Variants in TNXB observed in about 807,000 individuals in gnomAD.
TNXB encodes tenascin-X.
Under a neutral mutation model 340.5 loss-of-function variants are expected in TNXB, and 183 were observed. The observed-to-expected ratio is 0.54, with a 90% CI of 0.48 to 0.61. The LOEUF (loss-of-function observed/expected upper bound fraction) is 0.61. Ranked by LOEUF, TNXB falls within the 20% of genes least tolerant of loss-of-function variation. The pLI, the probability that TNXB is intolerant of heterozygous loss-of-function variation, is 0.00. For synonymous variants in TNXB, 2,121 were observed against 2,314.5 expected, an observed-to-expected ratio of 0.92 and a Z score of 2.40; for missense variants, 4,613 against 5,446.4, an observed-to-expected ratio of 0.85 and a Z score of 4.82.
chr6:32,054,990 C>A (rs759228779), intron 24 of TNXB, among the ~76,000 whole-genome samples: 15 of 152,196 alleles, frequency 9.9e-5, no homozygotes, highest in Admixed American at 7.2e-4. Context: ...TGAACTCTAA[C>A]ATTTTCCAAA....
chr6:32,053,270 C>T (rs1777406651), intron 25 of TNXB, 118 bp downstream of exon 25: 2 of 1,468,472 alleles, frequency 1.4e-6, no homozygotes, highest in African/African-American at 2.8e-5. Context: ...TGGGGAAAGA[C>T]AAAAAAGTAC....
chr6:32,078,319 G>A (rs1189478577), intron 11 of TNXB, among the ~76,000 whole-genome samples: 18 of 150,856 alleles, frequency 1.2e-4, no homozygotes, highest in South Asian at 2.1e-4. Flanking sequence ...GTGGTGGCAC[G>A]CATCTGTAGT....
chr6:32,051,364 C>T lies in TNXB; in HGVS notation c.9116-1043G>A, dbSNP rs565688894. On this transcript the variant is annotated intron_variant, in intron 26 of 43. Coordinates refer to ENST00000644971, the MANE Select transcript of TNXB (RefSeq NM_001365276.2). This position sits in a 1 kb window ranked among gnomAD's most constrained non-coding sequence, Gnocchi z 4.7. ...TAGGACAGGAACCCTAACTCTGAGC[C>T]TAACCTCTGTGAGGATTCATGAATG... Among the ~76,000 whole-genome samples the T allele has an allele frequency of 3.3e-5, 5 of 152,330 alleles. No homozygotes were observed. The highest frequency in any genetic ancestry group is 1.2e-4 in the African/African-American group (5 of 41,590).
chr6:32,065,172 C>T (rs1778271272), intron 18 of TNXB, 55 bp from the exon 19 acceptor site: 24 of 1,451,674 alleles, frequency 1.7e-5, no homozygotes, highest in Non-Finnish European at 4.6e-6. Context: ...GTGTTGAGGC[C>T]CCAGCTGTCT....
At position 32,087,864 on chromosome 6, in the gene TNXB, C is replaced by T. The variant is rs757492826; in HGVS notation, c.2779+921G>A. The stretch of plus-strand genomic sequence containing the variant: ...GGCTTGGCCTGGGCGGGGACTCCTC[C>T]TCCCTTTCCTCTGCTGGCCTCGAGG... On this transcript the variant is annotated intron_variant, in intron 6 of 43. Transcript: ENST00000644971. The surrounding 1 kb of genome is among the most constrained non-coding windows in gnomAD (Gnocchi z 9.0). 1 of 449,808 alleles carries T rather than the reference C, an allele frequency of 2.2e-6. No homozygotes were observed. Among genetic ancestry groups the T allele is most frequent in the Non-Finnish European group, 4.4e-6 (1 of 227,216 alleles). 27.9% of individuals were successfully genotyped at this position (449,808 alleles called of 1,614,324 possible). A position where few individuals can be genotyped will look rare whatever the true frequency, so the allele number is the denominator to read the frequency against.
intron 4 of TNXB, 87 bp downstream of exon 4, chr6:32,094,989 G>T: frequency 1.8e-6 from 2 of 1,122,308 alleles, no homozygotes; most frequent in South Asian, 1.4e-5. Flanking sequence ...CTCAACCAAT[G>T]ATCACCTGGA....
intron 21 of TNXB, among the ~76,000 whole-genome samples, chr6:32,060,533 T>C (rs1217450632): frequency 1.3e-5 from 2 of 151,974 alleles, no homozygotes; most frequent in Non-Finnish European, 2.9e-5. Flanking sequence ...GAATATTCTA[T>C]TCTATCTAAC....
rs1432821323 is a variant in TNXB at position 32,074,004 on chromosome 6, A to G, written c.4376-52T>C. 7.1e-7 allele frequency: 1 copy of G among 1,402,938 alleles called. No homozygotes were observed. The highest frequency in any genetic ancestry group is 1.5e-5 in the African/African-American group (1 of 68,896). 86.9% of individuals were successfully genotyped at this position (1,402,938 alleles called of 1,614,324 possible). On this transcript the variant is annotated intron_variant, in intron 11 of 43. Coordinates refer to ENST00000644971, the MANE Select transcript of TNXB (RefSeq NM_001365276.2). The surrounding 1 kb of genome is among the most constrained non-coding windows in gnomAD (Gnocchi z 5.5). ...TAGTAAAGAATCCCCCTTTTCTTAT[A>G]GTAATGATGTCTAGTTATTTATTTT...
intron 1 of TNXB, among the ~76,000 whole-genome samples, chr6:32,103,649 C>T (rs1442406051): frequency 6.6e-6 from 1 of 151,590 alleles, no homozygotes; most frequent in African/African-American, 2.4e-5. Flanking sequence ...TTCGGTGCCA[C>T]AAAATCTAAG....
At chr6:32,105,573 A>G (rs547145765) in intron 1 of TNXB, among the ~76,000 whole-genome samples, 2 of 152,264 alleles carry the variant, frequency 1.3e-5, no homozygotes, top group Middle Eastern at 3.4e-3. Flanking sequence ...TGAAAAGTTC[A>G]ATGTAAACGC....
intron 22 of TNXB, 72 bp from the exon 23 acceptor site, chr6:32,056,975 C>T (rs1343426988): frequency 3.8e-6 from 6 of 1,563,986 alleles, no homozygotes; most frequent in Non-Finnish European, 5.2e-6. Context: ...AAGGATGTGT[C>T]ACAAAACACA....
At chr6:32,044,199 G>C in intron 33 of TNXB, 70 bp from the exon 34 acceptor site, 2 of 1,325,406 alleles carry the variant, frequency 1.5e-6, no homozygotes, top group Non-Finnish European at 2.1e-6. Context: ...TCCCCCCCTC[G>C]CCTCTGCTCC....
chr6:32,106,289 G>A (rs1780977121), intron 1 of TNXB, among the ~76,000 whole-genome samples: 1 of 152,048 alleles, frequency 6.6e-6, no homozygotes, highest in Non-Finnish European at 1.5e-5. Context: ...CCCAGGATAA[G>A]ACAGGAGACA....
chr6:32,056,064 G>C lies in TNXB; in HGVS notation c.8254C>G (p.Leu2752Val). Reference protein sequence around the residue: ...LTVTGSSPDSLSLSWTIPQGH... With the variant: ...LTVTGSSPDSVSLSWTIPQGH... The stretch of plus-strand genomic sequence containing the variant: ...TGGGGGATGGTCCAGGAGAGGCTCA[G>C]CGAGTCAGGGGAGGATCCTGTCACT... The change falls in exon 24 of 44, where the codon CTG becomes GTG. Residue 2752 changes from leucine to valine, a missense_variant. Leu to Val is a conservative substitution (Grantham distance 32, BLOSUM62 1). Around this residue, in one of 7 missense-constraint regions of TNXB, gnomAD observed 4,327 missense variants for 4,859.4 expected, o/e 0.89. Transcript: ENST00000644971. 6.2e-7 allele frequency: 1 copy of C among 1,612,902 alleles called. No homozygotes were observed. The highest frequency in any genetic ancestry group is 8.5e-7 in the Non-Finnish European group (1 of 1,179,882).
At position 32,050,271 on chromosome 6, in the gene TNXB, C is replaced by T; in HGVS notation, c.9166G>A (p.Glu3056Lys). ...CCCAGGCGAGGCTTGATGGGGGGCTCAGGGGTCATGGTAGGCACTGCTTGG... is the reference window on the plus strand; with the variant it reads ...CCCAGGCGAGGCTTGATGGGGGGCTTAGGGGTCATGGTAGGCACTGCTTGG... ...TTQAVPTMTPEPPIKPRLGEL... is the reference protein window; with the variant it reads ...TTQAVPTMTPKPPIKPRLGEL... Residue 3056 changes from glutamate to lysine, a missense_variant, in exon 27 of 44, where the codon GAG (glutamate) becomes AAG (lysine). Coordinates refer to ENST00000644971, the MANE Select transcript of TNXB (RefSeq NM_001365276.2). 2 of 1,613,472 alleles carry T rather than the reference C, an allele frequency of 1.2e-6. No homozygotes were observed. Among genetic ancestry groups the T allele is most frequent in the South Asian group, 1.1e-5 (1 of 91,082 alleles).
Position 32,079,502 on chromosome 6 carries a change from T to C in TNXB, c.4043-137A>G. On this transcript the variant is annotated intron_variant, in intron 10 of 43. Coordinates refer to ENST00000644971, the MANE Select transcript of TNXB (RefSeq NM_001365276.2). This position sits in a 1 kb window ranked among gnomAD's most constrained non-coding sequence, Gnocchi z 7.1. ...TATTTGCCATTCGGTCACTCACGGA[T>C]GGAGAAGGCTGAGACAGCCCTTGCC... 2 of 751,586 alleles carry C rather than the reference T, an allele frequency of 2.7e-6. No individual in the cohort carries two copies. The highest frequency in any genetic ancestry group is 4.2e-6 in the Non-Finnish European group (2 of 474,268). 46.6% of individuals were successfully genotyped at this position (751,586 alleles called of 1,614,324 possible).
At position 32,062,206 on chromosome 6, in the gene TNXB, G is replaced by T; in HGVS notation, c.7119C>A (p.Gly2373=). ...GGCCCACACGCTGGCCACCGTGGAA[G>T]CCGTACAGGTTCATCTTGTACTTGT... ...PDNKYKMNLY[G]FHGGQRVGPV... is the part of the protein sequence containing the mutation. Residue 2373 remains glycine, a synonymous_variant, in exon 20 of 44, where the codon GGC becomes GGA. Coordinates refer to ENST00000644971, the MANE Select transcript of TNXB (RefSeq NM_001365276.2). This position sits in a 1 kb window ranked among gnomAD's most constrained non-coding sequence, Gnocchi z 4.3. 6.2e-7 allele frequency: 1 copy of T among 1,613,092 alleles called. No individual in the cohort carries two copies. The highest frequency in any genetic ancestry group is 8.5e-7 in the Non-Finnish European group (1 of 1,179,830).
intron 43 of TNXB, 96 bp downstream of exon 43, chr6:32,041,675 A>G: frequency 8.4e-7 from 1 of 1,184,030 alleles, no homozygotes; most frequent in Non-Finnish European, 1.2e-6. Flanking sequence ...CATTTCACCC[A>G]GCCACTCAGT....
Position 32,072,105 on chromosome 6 carries a change from T to C in TNXB, c.4875A>G (p.Ala1625=). ...CAGGGATAGTGACCTCCCGCTGATCTGCAGCCACGGGCACCACCTGGGGCT... is the reference window on the plus strand; with the variant it reads ...CAGGGATAGTGACCTCCCGCTGATCCGCAGCCACGGGCACCACCTGGGGCT... ...DGQPQVVPVA[A]DQREVTIPDL... Residue 1625 remains alanine, a synonymous_variant, in exon 13 of 44, where the codon GCA becomes GCG. Coordinates refer to ENST00000644971, the MANE Select transcript of TNXB (RefSeq NM_001365276.2). The surrounding 1 kb of genome is among the most constrained non-coding windows in gnomAD (Gnocchi z 4.4). The C allele has an allele frequency of 8.1e-6, 13 of 1,613,100 alleles. No individual in the cohort carries two copies. In the South Asian group the frequency reaches 1.4e-4, roughly 18 times the overall value.
Sources: allele counts gnomAD v4.1 joint callset (sites outside exome capture counted in the v4.1 genomes callset), GRCh38; gene constraint gnomAD v4.1.1; regional missense constraint gnomAD v4.1.1; non-coding constraint Gnocchi (gnomAD v3.1); transcripts MANE v1.5; gene names NCBI Gene and HGNC (gene_info 2026-07-23, HGNC 2026-07-21).